The following SPIDR variants were observed in gnomAD, a reference collection of about 807,000 sequenced individuals.
SPIDR encodes scaffold protein involved in DNA repair, also known as DNA repair-scaffolding protein.
Under a neutral mutation model 104.6 loss-of-function variants are expected in SPIDR, and 93 were observed. That is an observed-to-expected ratio of 0.89 (90% CI 0.75 to 1.06). The LOEUF is 1.06. SPIDR is among the 50% of genes least tolerant of loss of function. SPIDR has a pLI of 0.00. For missense variants in SPIDR, 1,154 were observed against 1,111.2 expected, an observed-to-expected ratio of 1.04 and a Z score of -0.55; for synonymous variants, 431 against 416.9, an observed-to-expected ratio of 1.03 and a Z score of -0.41.
chr8:47,541,304 T>G (rs2088078517), intron 8 of SPIDR, among the ~76,000 whole-genome samples: 1 of 152,252 alleles, frequency 6.6e-6, no homozygotes, highest in Non-Finnish European at 1.5e-5. Flanking sequence ...CTTGCTCATG[T>G]CTATACCACC....
At chr8:47,597,313 C>T (rs1174891071) in intron 9 of SPIDR, among the ~76,000 whole-genome samples, 1 of 152,020 alleles carries the variant, frequency 6.6e-6, no homozygotes, top group Non-Finnish European at 1.5e-5. Context: ...TGTGCTGCAC[C>T]CATTAACTCG....
At chr8:47,668,887 A>G (rs1004482472) in intron 10 of SPIDR, among the ~76,000 whole-genome samples, 2 of 152,184 alleles carry the variant, frequency 1.3e-5, no homozygotes, top group African/African-American at 2.4e-5. Context: ...ATCTAACAAA[A>G]CATGTACAAG....
chr8:47,382,340 C>T (rs985216369), intron 5 of SPIDR, among the ~76,000 whole-genome samples: 1 of 152,148 alleles, frequency 6.6e-6, no homozygotes, highest in Admixed American at 6.5e-5. Flanking sequence ...GGTAAGATTA[C>T]AGGAAGTAAC....
At chr8:47,619,892 G>T (rs2064888494) in intron 10 of SPIDR, among the ~76,000 whole-genome samples, 1 of 152,150 alleles carries the variant, frequency 6.6e-6, no homozygotes, top group Non-Finnish European at 1.5e-5. Flanking sequence ...CCACCGTGCT[G>T]CCTTTAAGGT....
intron 8 of SPIDR, among the ~76,000 whole-genome samples, chr8:47,536,136 A>T (rs2086873615): frequency 6.6e-6 from 1 of 152,018 alleles, no homozygotes; most frequent in African/African-American, 2.4e-5. Flanking sequence ...CAAAATTCTG[A>T]TGAAGAAATC....
intron 8 of SPIDR, among the ~76,000 whole-genome samples, chr8:47,579,489 C>T (rs542415765): frequency 6.6e-6 from 1 of 152,248 alleles, no homozygotes; most frequent in Non-Finnish European, 1.5e-5. Context: ...CCAGGAACTG[C>T]ATTTTAAAAT....
Position 47,588,058 on chromosome 8 carries a change from T to A in SPIDR, c.1098-7753T>A, listed in dbSNP as rs865935944. Among the ~76,000 whole-genome samples, 4 of 84,552 alleles carry A rather than the reference T, an allele frequency of 4.7e-5. 1 individual carries two copies. The highest frequency in any genetic ancestry group is 8.7e-5 in the Non-Finnish European group (4 of 45,724). The allele number at this position is 84,552 out of a possible 152,430, so 55.5% of individuals were successfully genotyped here. ...ATATATATATATATATATATATATATATATATATATATATATATATATATA... is the reference window on the plus strand; with the variant it reads ...ATATATATATATATATATATATATAAATATATATATATATATATATATATA... On this transcript the variant is annotated intron_variant, in intron 8 of 19. Transcript: ENST00000297423.
chr8:47,440,604 A>G, intron 8 of SPIDR, 62 bp downstream of exon 8: 1 of 1,509,622 alleles, frequency 6.6e-7, no homozygotes, highest in Non-Finnish European at 9.0e-7. Context: ...AAGAAAAGAC[A>G]TTTTTATCAG....
chr8:47,522,985 TTTTA>T (rs968479408), intron 8 of SPIDR, among the ~76,000 whole-genome samples: 1 of 151,704 alleles, frequency 6.6e-6, no homozygotes, highest in Non-Finnish European at 1.5e-5. Flanking sequence ...TCTTTCTATT[TTTTA>T]TTTATTTATT....
At chr8:47,337,648 A>T (rs1554610624) in intron 5 of SPIDR, among the ~76,000 whole-genome samples, 2 of 129,342 alleles carry the variant, frequency 1.5e-5, no homozygotes, top group South Asian at 2.5e-4. Context: ...ACCATTGTTT[A>T]AAAAAAAAAA....
chr8:47,341,117 T>C (rs1008538872), intron 5 of SPIDR, among the ~76,000 whole-genome samples: 3 of 152,222 alleles, frequency 2.0e-5, no homozygotes, highest in African/African-American at 7.2e-5. Flanking sequence ...TGGAGGACTT[T>C]ACCCTTCACC....
intron 5 of SPIDR, 61 bp from the exon 6 acceptor site, chr8:47,396,315 T>G (rs933847212): frequency 6.9e-5 from 93 of 1,355,478 alleles, no homozygotes; most frequent in Admixed American, 1.1e-4. Context: ...TATATAAATG[T>G]GGACTTGAAT....
At chr8:47,664,486 T>C (rs1018940249) in intron 10 of SPIDR, among the ~76,000 whole-genome samples, 1 of 152,086 alleles carries the variant, frequency 6.6e-6, no homozygotes, top group Non-Finnish European at 1.5e-5. Flanking sequence ...AATAAAAAGA[T>C]ACAAACTATG....
chr8:47,618,001 A>G (rs549541555), intron 10 of SPIDR, among the ~76,000 whole-genome samples: 6 of 152,298 alleles, frequency 3.9e-5, no homozygotes, highest in African/African-American at 7.2e-5. Context: ...TGGGTACGCT[A>G]TGTTCTAATA....
chr8:47,379,776 C>T (rs562570894), intron 5 of SPIDR, among the ~76,000 whole-genome samples: 144 of 152,266 alleles, frequency 9.5e-4, no homozygotes, highest in African/African-American at 3.3e-3. Context: ...CATGTGCCTG[C>T]GGAGCTCTGT....
At chr8:47,269,569 A>T (rs1399393212) in intron 1 of SPIDR, among the ~76,000 whole-genome samples, 1 of 135,272 alleles carries the variant, frequency 7.4e-6, no homozygotes, top group Non-Finnish European at 1.6e-5. Flanking sequence ...CATGTCTCTT[A>T]AAAAAAAAAA....
intron 10 of SPIDR, among the ~76,000 whole-genome samples, chr8:47,605,830 T>C (rs1026212802): frequency 6.6e-6 from 1 of 152,118 alleles, no homozygotes; most frequent in Non-Finnish European, 1.5e-5. Flanking sequence ...TTAAAAAAAA[T>C]AGTGGTAAAG....
At chr8:47,416,224 C>T (rs1313064174) in intron 7 of SPIDR, among the ~76,000 whole-genome samples, 3 of 152,180 alleles carry the variant, frequency 2.0e-5, no homozygotes, top group African/African-American at 7.2e-5. Flanking sequence ...GCCTGGGTGA[C>T]AGAGCAAGAC....
intron 5 of SPIDR, among the ~76,000 whole-genome samples, chr8:47,394,747 GGTTTTA>G (rs1212125345): frequency 1.3e-5 from 2 of 152,170 alleles, no homozygotes; most frequent in South Asian, 2.1e-4. Flanking sequence ...ATACGTAAAG[GGTTTTA>G]GTGTCAGCTT....
Sources: gnomAD v4.1 joint callset for allele counts (sites outside exome capture counted in the v4.1 genomes callset) on GRCh38, gnomAD v4.1.1 for gene constraint, MANE v1.5 for transcripts, NCBI Gene and HGNC (gene_info 2026-07-23, HGNC 2026-07-21) for gene names.